The following PNOC variants were observed in gnomAD, a reference collection of about 807,000 sequenced individuals.
PNOC encodes the protein nociceptin.
A neutral mutation model predicts 15.6 loss-of-function variants in PNOC; 10 were observed. The observed-to-expected ratio is 0.64, with a 90% CI of 0.40 to 1.09. PNOC has a LOEUF of 1.09. Among genes scored for constraint, PNOC ranks in the 50% least tolerant of loss-of-function variants. The pLI is 0.01. For synonymous variants in PNOC, 98 were observed against 88.5 expected, an observed-to-expected ratio of 1.11 and a Z score of -0.60; for missense variants, 220 against 223.9, an observed-to-expected ratio of 0.98 and a Z score of 0.11.
intron 2 of PNOC, among the ~76,000 whole-genome samples, chr8:28,332,161 A>C (rs910781485): frequency 1.3e-5 from 2 of 151,976 alleles, no homozygotes; most frequent in African/African-American, 4.8e-5. Context: ...GTGCTCGCTA[A>C]CCCCCCGGAG....
chr8:28,331,508 C>T (rs1429681341), intron 2 of PNOC, among the ~76,000 whole-genome samples: 3 of 152,140 alleles, frequency 2.0e-5, no homozygotes, highest in African/African-American at 4.8e-5. Context: ...CCATACATCC[C>T]AGGCCTTCTG....
chr8:28,338,740 G>T (rs551807539), intron 2 of PNOC: 61 of 1,098,426 alleles, frequency 5.6e-5, no homozygotes, highest in Middle Eastern at 3.9e-4. Context: ...GGTGTTGGGC[G>T]CATTTATCCT....
chr8:28,329,393 C>T, intron 2 of PNOC, 110 bp downstream of exon 2: 3 of 1,267,776 alleles, frequency 2.4e-6, no homozygotes, highest in Non-Finnish European at 3.3e-6. Context: ...CCACAGCTCA[C>T]AGGACTTGCT....
At chr8:28,333,964 C>G (rs533712584) in intron 2 of PNOC, among the ~76,000 whole-genome samples, 1 of 152,210 alleles carries the variant, frequency 6.6e-6, no homozygotes, top group East Asian at 1.9e-4. Flanking sequence ...ACTATGGGCA[C>G]TTTTGACTGG....
chr8:28,338,324 T>G (rs1585840553), intron 2 of PNOC, among the ~76,000 whole-genome samples: 1 of 152,174 alleles, frequency 6.6e-6, no homozygotes, highest in African/African-American at 2.4e-5. Context: ...AAGTCAGGGT[T>G]GGCAGGAGAG....
At chr8:28,320,092 CTTTTTTTTTTTTTTTTT>C (rs34876964) in intron 1 of PNOC, among the ~76,000 whole-genome samples, 2 of 29,726 alleles carry the variant, frequency 6.7e-5, no homozygotes, top group South Asian at 3.7e-3. Context: ...TTCTTTCTTT[CTTTTTTTTTTTTTTTTT>C]TTTTTTTTTT....
At chr8:28,330,871 C>A (rs1051869572) in intron 2 of PNOC, among the ~76,000 whole-genome samples, 1 of 152,134 alleles carries the variant, frequency 6.6e-6, no homozygotes, top group Non-Finnish European at 1.5e-5. Context: ...GATAGTTACT[C>A]CTCTCCTATT....
chr8:28,320,092 C>CTTTTTTTTT (rs34876964), intron 1 of PNOC, among the ~76,000 whole-genome samples: 817 of 29,732 alleles, frequency 0.027, 149 homozygotes, highest in Non-Finnish European at 0.038. Context: ...TTCTTTCTTT[C>CTTTTTTTTT]TTTTTTTTTT....
In PNOC at chr8:28,339,356, G is replaced by A. The variant is rs917796725; in HGVS notation, c.443G>A (p.Arg148Gln). ...KSARKLANQK[R>Q]FSEFMRQYLV... ...GCCAGGAAGTTGGCCAATCAGAAGCGGTTCAGTGAGTTTATGAGGCAATAC... is the reference window on the plus strand; with the variant it reads ...GCCAGGAAGTTGGCCAATCAGAAGCAGTTCAGTGAGTTTATGAGGCAATAC... The change falls in exon 3 of 4, where the codon CGG becomes CAG. Residue 148 changes from arginine to glutamine, a missense_variant. Arg to Gln is a conservative substitution (Grantham distance 43). Coordinates refer to ENST00000301908, the MANE Select transcript of PNOC (RefSeq NM_006228.5). 1 of 1,608,292 alleles carries A rather than the reference G, an allele frequency of 6.2e-7. No homozygotes were observed.
At chr8:28,341,869 G>A (rs1801524623) in intron 3 of PNOC, among the ~76,000 whole-genome samples, 1 of 152,136 alleles carries the variant, frequency 6.6e-6, no homozygotes, top group Non-Finnish European at 1.5e-5. Context: ...ATAACAGCCG[G>A]CTTCAACCTT....
chr8:28,324,303 T>A (rs545770328), intron 1 of PNOC, among the ~76,000 whole-genome samples: 1 of 152,332 alleles, frequency 6.6e-6, no homozygotes, highest in African/African-American at 2.4e-5. Flanking sequence ...TTCCTGAACA[T>A]GCAAGTTGCC....
intron 1 of PNOC, among the ~76,000 whole-genome samples, chr8:28,327,952 G>C (rs1474232929): frequency 1.3e-5 from 2 of 151,944 alleles, no homozygotes; most frequent in Non-Finnish European, 2.9e-5. Flanking sequence ...AGTGGTGGAA[G>C]GGACTAGCTA....
chr8:28,334,908 G>A (rs758256922), intron 2 of PNOC, among the ~76,000 whole-genome samples: 3 of 152,202 alleles, frequency 2.0e-5, no homozygotes, highest in Admixed American at 2.0e-4. Flanking sequence ...CATTGCAGGT[G>A]TGAAAAAGTA....
At chr8:28,322,036 A>G (rs760479723) in intron 1 of PNOC, among the ~76,000 whole-genome samples, 1 of 152,244 alleles carries the variant, frequency 6.6e-6, no homozygotes, top group South Asian at 2.1e-4. Context: ...TCTGATGGAC[A>G]TGCAGCTGGT....
At chr8:28,326,275 CCAGG>C (rs1477408385) in intron 1 of PNOC, among the ~76,000 whole-genome samples, 1 of 151,898 alleles carries the variant, frequency 6.6e-6, no homozygotes, top group Non-Finnish European at 1.5e-5. Flanking sequence ...TTGCTTGCGC[CCAGG>C]AGTTCAACGC....
intron 2 of PNOC, among the ~76,000 whole-genome samples, chr8:28,337,692 C>G (rs1448438008): frequency 1.3e-5 from 2 of 150,574 alleles, no homozygotes; most frequent in South Asian, 2.1e-4. Flanking sequence ...ACGCCATTCT[C>G]CTGCTTCAGC....
chr8:28,322,183 G>C lies in PNOC; in HGVS notation c.-24+4867G>C, dbSNP rs142894084. On this transcript the variant is annotated intron_variant, in intron 1 of 3. Coordinates refer to ENST00000301908, the MANE Select transcript of PNOC (RefSeq NM_006228.5). The stretch of plus-strand genomic sequence containing the variant: ...GCGGGAGGATCATTCGAGGTCAGGA[G>C]TTTGAGACCAGACTGACCAACGTGG... 1.3e-3 allele frequency among the ~76,000 whole-genome samples: 202 copies of C among 152,248 alleles called. 1 individual carries two copies. The highest frequency in any genetic ancestry group is 4.6e-3 in the African/African-American group (193 of 41,536).
At chr8:28,332,772 G>A (rs1169290468) in intron 2 of PNOC, among the ~76,000 whole-genome samples, 6 of 152,134 alleles carry the variant, frequency 3.9e-5, no homozygotes, top group Admixed American at 2.6e-4. Context: ...CCAACAAGGC[G>A]AAACCCTGTC....
chr8:28,323,904 C>G (rs900723817), intron 1 of PNOC, among the ~76,000 whole-genome samples: 8 of 152,342 alleles, frequency 5.3e-5, no homozygotes, highest in African/African-American at 1.9e-4. Flanking sequence ...AGCTTGCAAG[C>G]CACCTGTAGG....
Sources: allele counts gnomAD v4.1 joint callset (sites outside exome capture counted in the v4.1 genomes callset), GRCh38; gene constraint gnomAD v4.1.1; transcripts MANE v1.5; gene names NCBI Gene and HGNC (gene_info 2026-07-23, HGNC 2026-07-21).